The following TPD52 variants were observed in gnomAD, a reference collection of about 807,000 sequenced individuals.
TPD52 encodes the protein prostate and colon associated protein.
A neutral mutation model predicts 31.3 loss-of-function variants in TPD52; 17 were observed. The observed-to-expected ratio is 0.54, with a 90% CI of 0.37 to 0.82. TPD52 has a LOEUF of 0.82. Ranked by LOEUF, TPD52 falls within the 40% of genes least tolerant of loss-of-function variation. The pLI, the probability that TPD52 is intolerant of heterozygous loss-of-function variation, is 0.00. For missense variants in TPD52, 212 were observed against 240.1 expected (o/e 0.88, Z 0.77); for synonymous variants, 83 against 89.6 (o/e 0.93, Z 0.42).
intron 1 of TPD52, among the ~76,000 whole-genome samples, chr8:80,097,137 A>G (rs1806396359): frequency 1.2e-5 from 1 of 80,980 alleles, no homozygotes; most frequent in African/African-American, 1.0e-4. Flanking sequence ...AGTTCAAACC[A>G]GCTCAACACT....
intron 1 of TPD52, among the ~76,000 whole-genome samples, chr8:80,073,394 A>G (rs565528395): frequency 2.6e-5 from 4 of 152,168 alleles, no homozygotes; most frequent in African/African-American, 9.7e-5. Flanking sequence ...AGGTCCCATT[A>G]GCTTAAATAA....
chr8:80,113,332 T>C (rs1232618451), intron 1 of TPD52, among the ~76,000 whole-genome samples: 1 of 150,792 alleles, frequency 6.6e-6, no homozygotes, highest in Non-Finnish European at 1.5e-5. Flanking sequence ...ACACTGTTTG[T>C]GAGACTGTAA....
At chr8:80,128,883 GT>G (rs1376653063) in intron 1 of TPD52, among the ~76,000 whole-genome samples, 1 of 145,128 alleles carries the variant, frequency 6.9e-6, no homozygotes. Context: ...TTACATCTGG[GT>G]TTTTTTTTTC....
intron 1 of TPD52, among the ~76,000 whole-genome samples, chr8:80,110,499 C>A (rs1480970108): frequency 1.3e-5 from 2 of 150,990 alleles, no homozygotes; most frequent in African/African-American, 4.9e-5. Flanking sequence ...GAGAGGCTGA[C>A]CAAAAGGAGG....
chr8:80,032,213 T>G (rs1334671307), downstream of TPD52, among the ~76,000 whole-genome samples: 1 of 151,076 alleles, frequency 6.6e-6, no homozygotes, highest in Non-Finnish European at 1.5e-5. Context: ...AAATTTGGCC[T>G]TAGTTCTGTC....
intron 1 of TPD52, chr8:80,064,907 C>A (rs2130692932): frequency 2.0e-6 from 1 of 503,922 alleles, no homozygotes; most frequent in East Asian, 5.2e-5. Flanking sequence ...CTTGCTGAGA[C>A]TTTAAATTGC....
chr8:80,095,026 T>A (rs1369881713), intron 1 of TPD52, among the ~76,000 whole-genome samples: 1 of 152,122 alleles, frequency 6.6e-6, no homozygotes, highest in Non-Finnish European at 1.5e-5. Flanking sequence ...CCCAGGTATT[T>A]ACCCAAATGA....
rs137909675 is a variant in TPD52, at chr8:80,165,256, G to A, written c.19+6169C>T. Among the ~76,000 whole-genome samples, 289 of 152,328 alleles carry A rather than the reference G, an allele frequency of 1.9e-3. 2 individuals carry two copies. The highest frequency in any genetic ancestry group is 3.2e-3 in the Non-Finnish European group (219 of 68,040). Reference sequence around the variant, plus strand: ...CAAGGGAAAGCAAACGCTCGCACATGCTGGTGGAAGTATAACTGGCACCAC... The same window carrying A: ...CAAGGGAAAGCAAACGCTCGCACATACTGGTGGAAGTATAACTGGCACCAC... On this transcript the variant is annotated intron_variant, in intron 1 of 7. Transcript: ENST00000518937.
intron 2 of TPD52, among the ~76,000 whole-genome samples, chr8:80,062,910 G>C (rs1419437046): frequency 6.6e-6 from 1 of 152,200 alleles, no homozygotes; most frequent in South Asian, 2.1e-4. Context: ...CAACATTATA[G>C]TGAGCTATAA....
chr8:80,086,281 G>C (rs1815760113), intron 1 of TPD52, among the ~76,000 whole-genome samples: 1 of 151,460 alleles, frequency 6.6e-6, no homozygotes, highest in South Asian at 2.1e-4. Flanking sequence ...ACCACGCCCA[G>C]CTAATTTTTG....
At position 80,064,587 on chromosome 8, in the gene TPD52, A is replaced by C; in HGVS notation, c.26T>G (p.Leu9Arg). 6.2e-7 allele frequency: 1 copy of C among 1,613,684 alleles called. No individual in the cohort carries two copies. The highest frequency in any genetic ancestry group is 8.5e-7 in the Non-Finnish European group (1 of 1,179,568). The change falls in exon 2 of 8, where the codon CTG (leucine) becomes CGG (arginine). Residue 9 changes from leucine (L) to arginine (R), a missense_variant. Leu to Arg is a moderately radical substitution (Grantham distance 102). Coordinates refer to ENST00000518937, the MANE Select transcript of TPD52 (RefSeq NM_001025253.3). The stretch of plus-strand genomic sequence containing the variant: ...TTCCTCAGGGACTGGGTCTGTTCTC[A>C]GCAGACCTGGTTGGGGATTTAAACC... MDRGEQGLLRTDPVPEEGE... is the reference protein window; with the variant it reads MDRGEQGLRRTDPVPEEGE...
At chr8:80,104,062 C>A (rs927193193) in intron 1 of TPD52, among the ~76,000 whole-genome samples, 3 of 152,140 alleles carry the variant, frequency 2.0e-5, no homozygotes, top group Non-Finnish European at 2.9e-5. Flanking sequence ...GGGGACATAT[C>A]AAGGAAAACC....
At chr8:80,042,300 A>G (rs1810464302) in intron 7 of TPD52, 1 of 985,292 alleles carries the variant, frequency 1.0e-6, no homozygotes, top group Non-Finnish European at 1.2e-6. Flanking sequence ...GTTGACAAGA[A>G]AGTTATATTA....
chr8:80,066,252 G>A (rs1813138746), intron 1 of TPD52, among the ~76,000 whole-genome samples: 1 of 152,122 alleles, frequency 6.6e-6, no homozygotes, highest in African/African-American at 2.4e-5. Flanking sequence ...AAAGGCACTT[G>A]GTACAGGCTC....
intron 1 of TPD52, among the ~76,000 whole-genome samples, chr8:80,111,542 T>C (rs1807496175): frequency 6.6e-6 from 1 of 152,238 alleles, no homozygotes; most frequent in Non-Finnish European, 1.5e-5. Context: ...AAAAGAACTT[T>C]GGTTTTTCCT....
At chr8:80,104,929 G>A (rs1443288517) in intron 1 of TPD52, among the ~76,000 whole-genome samples, 1 of 151,746 alleles carries the variant, frequency 6.6e-6, no homozygotes, top group Non-Finnish European at 1.5e-5. Context: ...ACATGAGGGC[G>A]CACACCTGTA....
At chr8:80,074,953 G>A (rs763977915) in intron 1 of TPD52, among the ~76,000 whole-genome samples, 8 of 152,132 alleles carry the variant, frequency 5.3e-5, no homozygotes, top group African/African-American at 9.7e-5. Context: ...CCTCACAAGC[G>A]TAAGGGGACA....
rs145225946 is a variant in TPD52, at chr8:80,074,834, A to G, written c.20-10241T>C. Among the ~76,000 whole-genome samples, 34 of 152,320 alleles carry G rather than the reference A, an allele frequency of 2.2e-4. 2 individuals carry two copies. In the East Asian group the frequency reaches 6.6e-3, roughly 29 times the overall value. ...TTTTCCCATGTGTGCCCATGGCAAG[A>G]ACAGTAAAACCTTAGGGGGAAAACG... On this transcript the variant is annotated intron_variant, in intron 1 of 7. Coordinates refer to ENST00000518937, the MANE Select transcript of TPD52 (RefSeq NM_001025253.3).
intron 1 of TPD52, among the ~76,000 whole-genome samples, chr8:80,164,630 T>A (rs12544389): frequency 0.2 from 30,146 of 152,036 alleles, 4,125 homozygotes; most frequent in African/African-American, 0.39. Flanking sequence ...ACTCCTGTAA[T>A]CCCAGCAGCT....
Sources: gnomAD v4.1 joint callset for allele counts (sites outside exome capture counted in the v4.1 genomes callset) on GRCh38, gnomAD v4.1.1 for gene constraint, MANE v1.5 for transcripts, NCBI Gene and HGNC (gene_info 2026-07-23, HGNC 2026-07-21) for gene names.